Variants in RABEP1 observed in about 807,000 individuals in gnomAD.
The protein encoded by RABEP1 is rabaptin, RAB GTPase binding effector protein 1.
Under a neutral mutation model 123.4 loss-of-function variants are expected in RABEP1, and 51 were observed. That is an observed-to-expected ratio of 0.41 (90% CI 0.33 to 0.52). The LOEUF is 0.52. Ranked by LOEUF, RABEP1 falls within the 20% of genes least tolerant of loss-of-function variation. RABEP1 has a pLI of 0.16. For synonymous variants in RABEP1, 347 were observed against 355.2 expected (o/e 0.98, Z 0.26); for missense variants, 888 against 996.3 (o/e 0.89, Z 1.46).
Position 5,362,968 on chromosome 17 carries a change from A to G in RABEP1, c.1620A>G (p.Glu540=), listed in dbSNP as rs1266096084. Residue 540 remains glutamate (E), a synonymous_variant, in exon 10 of 18, where the codon GAA becomes GAG. Transcript: ENST00000537505. ...GRRCDMCSNY[E]KQLQGIQIQE... is the part of the protein sequence containing the mutation. ...GTTGTGATATGTGTTCCAATTACGA[A>G]AAACAGTTACAAGGAATTCAGATTC... The G allele has an allele frequency of 2.5e-6, 4 of 1,614,070 alleles. No individual in the cohort carries two copies. The highest frequency in any genetic ancestry group is 3.4e-6 in the Non-Finnish European group (4 of 1,179,924).
chr17:5,370,809 C>G (rs981050063), intron 12 of RABEP1, among the ~76,000 whole-genome samples: 29 of 152,152 alleles, frequency 1.9e-4, no homozygotes, highest in Admixed American at 1.6e-3. Context: ...CTACCAACAG[C>G]AAATCTACTA....
At chr17:5,366,890 G>C (rs1910041864) in intron 11 of RABEP1, among the ~76,000 whole-genome samples, 1 of 151,650 alleles carries the variant, frequency 6.6e-6, no homozygotes, top group African/African-American at 2.4e-5. Context: ...AGGAGTTTGA[G>C]ACCAGCCTGA....
At chr17:5,311,049 A>T (rs2075234733) in intron 2 of RABEP1, among the ~76,000 whole-genome samples, 1 of 151,906 alleles carries the variant, frequency 6.6e-6, no homozygotes, top group Non-Finnish European at 1.5e-5. Context: ...ACCTCAGATG[A>T]TCCGCCTGCC....
At chr17:5,371,671 G>C (rs1910541495) in intron 12 of RABEP1, 1 of 152,236 alleles carries the variant, frequency 6.6e-6, no homozygotes, top group Non-Finnish European at 1.5e-5. Context: ...TTGTCCTTCA[G>C]AATGCAGCTC....
chr17:5,328,992 CTTAAT>C (rs1906250490), intron 2 of RABEP1, among the ~76,000 whole-genome samples: 1 of 130,356 alleles, frequency 7.7e-6, no homozygotes. Flanking sequence ...TTGTTTTGAT[CTTAAT>C]TTAAACAAAT....
At chr17:5,335,694 T>C (rs1249466838) in intron 4 of RABEP1, among the ~76,000 whole-genome samples, 7 of 152,216 alleles carry the variant, frequency 4.6e-5, no homozygotes, top group African/African-American at 1.7e-4. Flanking sequence ...CTACACAGAG[T>C]TCACCTATTG....
chr17:5,324,030 A>G (rs1008375481), intron 2 of RABEP1, among the ~76,000 whole-genome samples: 1 of 151,924 alleles, frequency 6.6e-6, no homozygotes, highest in Admixed American at 6.6e-5. Flanking sequence ...CAATTTACAG[A>G]TTCAATACAA....
Position 5,383,596 on chromosome 17 carries a change from T to G in RABEP1, c.*373T>G, listed in dbSNP as rs923291370. 2.5e-5 allele frequency: 7 copies of G among 276,004 alleles called. No homozygotes were observed. Among genetic ancestry groups the G allele is most frequent in the Non-Finnish European group, 4.9e-5 (7 of 143,958 alleles). 17.1% of individuals were successfully genotyped at this position (276,004 alleles called of 1,614,324 possible). ...GTTTGGAATTTTCTGTTCATAGATA[T>G]TGGAAGAGAGAATTTGCTTTATCTG... On this transcript the variant is annotated 3_prime_UTR_variant, in exon 18 of 18. Coordinates refer to ENST00000537505, the MANE Select transcript of RABEP1 (RefSeq NM_004703.6).
intron 5 of RABEP1, among the ~76,000 whole-genome samples, chr17:5,341,037 A>G (rs1173495077): frequency 6.6e-6 from 1 of 152,100 alleles, no homozygotes; most frequent in Non-Finnish European, 1.5e-5. Flanking sequence ...AGAACAATAG[A>G]GACTATCAAT....
chr17:5,290,029 C>T (rs915919254), intron 1 of RABEP1, among the ~76,000 whole-genome samples: 2 of 152,150 alleles, frequency 1.3e-5, no homozygotes, highest in Non-Finnish European at 2.9e-5. Context: ...GGTTTTTATC[C>T]ACTGAAGTTT....
chr17:5,308,864 C>T, intron 2 of RABEP1, 42 bp downstream of exon 2: 1 of 1,516,588 alleles, frequency 6.6e-7, no homozygotes, highest in African/African-American at 1.4e-5. Flanking sequence ...GCGAAAACTG[C>T]CTTAAAGTGT....
Position 5,308,767 on chromosome 17 carries a change from A to G in RABEP1, c.108A>G (p.Glu36=), listed in dbSNP as rs767508901. Reference sequence around the variant, plus strand: ...TTTTACGTGCACAACAGCAGCTTGAACAAGAATTTAATCAAAAGAGAGCAA... The same window carrying G: ...TTTTACGTGCACAACAGCAGCTTGAGCAAGAATTTAATCAAAAGAGAGCAA... ...AEFLRAQQQL[E]QEFNQKRAKF... Residue 36 remains glutamate, a synonymous_variant, in exon 2 of 18, where the codon GAA becomes GAG. Transcript: ENST00000537505. 6.2e-7 allele frequency: 1 copy of G among 1,611,920 alleles called. No homozygotes were observed. Among genetic ancestry groups the G allele is most frequent in the South Asian group, 1.1e-5 (1 of 90,792 alleles).
intron 8 of RABEP1, 38 bp from the exon 9 acceptor site, chr17:5,361,170 A>T: frequency 1.3e-6 from 2 of 1,552,076 alleles, no homozygotes; most frequent in Non-Finnish European, 1.8e-6. Context: ...AAACGCAGAG[A>T]ATTGTCTAAC....
intron 1 of RABEP1, among the ~76,000 whole-genome samples, chr17:5,305,176 G>C (rs755837547): frequency 6.6e-6 from 1 of 151,956 alleles, no homozygotes; most frequent in East Asian, 1.9e-4. Context: ...GATTTGTCTC[G>C]ATGTTGTAGT....
chr17:5,315,622 G>A (rs545495618), intron 2 of RABEP1, among the ~76,000 whole-genome samples: 2 of 152,176 alleles, frequency 1.3e-5, no homozygotes, highest in African/African-American at 2.4e-5. Flanking sequence ...AGGCTGAGGC[G>A]GGTGGATCAC....
chr17:5,287,243 G>A (rs1316804717), intron 1 of RABEP1, among the ~76,000 whole-genome samples: 2 of 152,114 alleles, frequency 1.3e-5, no homozygotes, highest in African/African-American at 4.8e-5. Flanking sequence ...TCTCACTTAT[G>A]TTTTAAAAAA....
In RABEP1 at chr17:5,354,363, A is replaced by T. The variant is rs1264794293; in HGVS notation, c.968A>T (p.Asp323Val). ...ATGTTTTTTTCTTCCTTTTAGGAGG[A>T]TGATGAACAACAAAGACTCAATAAG... ...VEELKKKDQE[D>V]DEQQRLNKRK... The change falls in exon 8 of 18, where the codon GAT becomes GTT. Residue 323 changes from aspartate to valine, a missense_variant. By Grantham distance (152) the Asp-to-Val change is radical. Coordinates refer to ENST00000537505, the MANE Select transcript of RABEP1 (RefSeq NM_004703.6). The T allele has an allele frequency of 1.9e-6, 3 of 1,608,750 alleles. No individual in the cohort carries two copies. In the Admixed American group the frequency reaches 5.1e-5, roughly 27 times the overall value.
chr17:5,334,623 C>T (rs755747399), intron 3 of RABEP1, among the ~76,000 whole-genome samples: 14 of 152,208 alleles, frequency 9.2e-5, no homozygotes, highest in Non-Finnish European at 2.9e-5. Context: ...GTCTGCCTCC[C>T]ACAGTGCTAG....
intron 7 of RABEP1, among the ~76,000 whole-genome samples, chr17:5,351,122 G>A (rs891287055): frequency 1.3e-5 from 2 of 150,360 alleles, no homozygotes; most frequent in African/African-American, 4.9e-5. Context: ...TGTGGCCCAG[G>A]GAAGCCAAAA....
Sources: gnomAD v4.1 joint callset for allele counts (sites outside exome capture counted in the v4.1 genomes callset) on GRCh38, gnomAD v4.1.1 for gene constraint, MANE v1.5 for transcripts, NCBI Gene and HGNC (gene_info 2026-07-23, HGNC 2026-07-21) for gene names.